The following FAM193A variants were observed in gnomAD, a reference collection of about 807,000 sequenced individuals.
The protein encoded by FAM193A is protein FAM193A.
FAM193A carries 22 observed loss-of-function variants against 126.5 expected under a neutral mutation model. That is an observed-to-expected ratio of 0.17 (90% CI 0.12 to 0.25). FAM193A has a LOEUF of 0.25. Ranked by LOEUF, FAM193A falls within the 10% of genes least tolerant of loss-of-function variation. The pLI is 1.00. For synonymous variants in FAM193A, 761 were observed against 646.8 expected (o/e 1.18, Z -2.68); for missense variants, 1,675 against 1,672.8 (o/e 1.00, Z -0.02).
intron 1 of FAM193A, among the ~76,000 whole-genome samples, chr4:2,550,771 T>TTTTATTTA (rs71178475): frequency 2.7e-4 from 38 of 140,164 alleles, no homozygotes; most frequent in East Asian, 4.2e-4. Flanking sequence ...CAATTTATAT[T>TTTTATTTA]TTTATTTATT....
chr4:2,701,863 G>A (rs1382003040), intron 19 of FAM193A, among the ~76,000 whole-genome samples: 1 of 150,632 alleles, frequency 6.6e-6, no homozygotes, highest in Non-Finnish European at 1.5e-5. Flanking sequence ...CACAACCTCC[G>A]CTTCCCGGGT....
chr4:2,725,587 T>A (rs1052952656), intron 20 of FAM193A, among the ~76,000 whole-genome samples: 1 of 151,504 alleles, frequency 6.6e-6, no homozygotes, highest in African/African-American at 2.4e-5. Flanking sequence ...AGATAGAGTG[T>A]GGCCAAAGTA....
chr4:2,578,006 A>G (rs1020046088), intron 1 of FAM193A, among the ~76,000 whole-genome samples: 3 of 152,196 alleles, frequency 2.0e-5, no homozygotes, highest in African/African-American at 2.4e-5. Context: ...TGGGAATATA[A>G]TGACTATCCC....
At chr4:2,626,727 C>G in intron 4 of FAM193A, 150 bp downstream of exon 4, 1 of 569,978 alleles carries the variant, frequency 1.8e-6, no homozygotes, top group Non-Finnish European at 3.2e-6. Flanking sequence ...AGCAGATGAA[C>G]TGGCAAAAGT....
chr4:2,546,560 A>G (rs557211743), intron 1 of FAM193A, among the ~76,000 whole-genome samples: 1 of 152,198 alleles, frequency 6.6e-6, no homozygotes, highest in South Asian at 2.1e-4. Context: ...TTCACTCAGC[A>G]TAATGACTTT....
chr4:2,703,701 C>T (rs951718489), intron 19 of FAM193A, among the ~76,000 whole-genome samples: 6 of 151,628 alleles, frequency 4.0e-5, no homozygotes, highest in East Asian at 1.9e-4. Flanking sequence ...TGGTGGCTCA[C>T]GCCTGTAATC....
At chr4:2,657,672 T>C (rs894355940) in intron 7 of FAM193A, 131 bp from the exon 8 acceptor site, 1 of 621,930 alleles carries the variant, frequency 1.6e-6, no homozygotes, top group African/African-American at 1.8e-5. Context: ...ATTGTATCTT[T>C]ATTCTGTTTG....
upstream of FAM193A, among the ~76,000 whole-genome samples, chr4:2,536,182 G>C (rs1386143164): frequency 6.6e-6 from 1 of 151,114 alleles, no homozygotes; most frequent in Non-Finnish European, 1.5e-5. Flanking sequence ...GGGGCGGGCG[G>C]GCAGCGGACA....
chr4:2,661,177 C>T (rs1056446167), intron 10 of FAM193A, among the ~76,000 whole-genome samples: 1 of 152,152 alleles, frequency 6.6e-6, no homozygotes, highest in African/African-American at 2.4e-5. Context: ...TGCCCATCAC[C>T]AGTTACGGGG....
At position 2,574,894 on chromosome 4, in the gene FAM193A, A is replaced by C. The variant is rs555781190; in HGVS notation, c.256-21190A>C. On this transcript the variant is annotated intron_variant, in intron 1 of 20. Coordinates refer to ENST00000637812, the MANE Select transcript of FAM193A (RefSeq NM_001366318.2). ...AAGCATTGAAAAGCTGAATGAAATC[A>C]AGAAAAAGTTCTGGAGAATAGAAGC... 2.4e-4 allele frequency among the ~76,000 whole-genome samples: 36 copies of C among 152,340 alleles called. 1 individual carries two copies. The South Asian group carries it at 4.4e-3, about 18-fold the overall frequency.
chr4:2,664,372 T>C (rs2109125263), intron 12 of FAM193A, among the ~76,000 whole-genome samples: 1 of 152,216 alleles, frequency 6.6e-6, no homozygotes, highest in South Asian at 2.1e-4. Context: ...TTATTGAAAA[T>C]TTATTGAAAA....
At chr4:2,654,378 ATTTTTTTTTT>A (rs372926172) in intron 7 of FAM193A, 2 of 114,588 alleles carry the variant, frequency 1.7e-5, no homozygotes, top group South Asian at 2.9e-4. Flanking sequence ...TGCCTGGCTA[ATTTTTTTTTT>A]TTTTTTTTTT....
chr4:2,731,719 C>T (rs1012934160), intron 20 of FAM193A, 56 bp from the exon 21 acceptor site: 5 of 1,371,564 alleles, frequency 3.6e-6, no homozygotes, highest in Non-Finnish European at 4.2e-6. Context: ...TTGCCAAGCA[C>T]CAGCTTGGTT....
rs778916818 is a variant in FAM193A at position 2,700,350 on chromosome 4, T to A, written c.4178T>A (p.Val1393Asp). ...GAGCAGAAAAGAGAGGAGAGAAAAG[T>A]CAACAGTAATAACAATAACAAAAAG... ...ITEQKREERK[V>D]NSNNNNKKQL... Residue 1393 changes from valine (V) to aspartate (D), a missense_variant, in exon 19 of 21, where the codon GTC (valine) becomes GAC (aspartate). By Grantham distance (152) the Val-to-Asp change is radical. Transcript: ENST00000637812. 1.9e-6 allele frequency: 3 copies of A among 1,613,650 alleles called. No homozygotes were observed. The African/African-American group carries it at 4.0e-5, about 22-fold the overall frequency.
chr4:2,649,013 T>C (rs1283523453), intron 7 of FAM193A, among the ~76,000 whole-genome samples: 1 of 152,198 alleles, frequency 6.6e-6, no homozygotes, highest in African/African-American at 2.4e-5. Context: ...GAGATAATTA[T>C]GTTAGGTGAT....
At chr4:2,671,998 G>A in intron 12 of FAM193A, 123 bp from the exon 13 acceptor site, 1 of 986,194 alleles carries the variant, frequency 1.0e-6, no homozygotes, top group Non-Finnish European at 1.5e-6. Flanking sequence ...TCAACTCAGG[G>A]TGTCAGGAAA....
intron 1 of FAM193A, among the ~76,000 whole-genome samples, chr4:2,551,582 CT>C (rs1211147746): frequency 1.3e-5 from 2 of 152,088 alleles, no homozygotes; most frequent in Admixed American, 6.6e-5. Context: ...TGCAGTATTG[CT>C]TTATTATCCT....
intron 13 of FAM193A, among the ~76,000 whole-genome samples, chr4:2,677,950 T>C (rs926149472): frequency 1.3e-5 from 2 of 152,106 alleles, no homozygotes; most frequent in African/African-American, 4.8e-5. Context: ...TGTGTTTTCA[T>C]TTATTTATGT....
At chr4:2,628,174 G>A (rs898622958) in intron 4 of FAM193A, among the ~76,000 whole-genome samples, 6 of 149,290 alleles carry the variant, frequency 4.0e-5, no homozygotes, top group Non-Finnish European at 7.4e-5. Flanking sequence ...GTGAGCCACC[G>A]CGCCCCGCCG....
Sources: gnomAD v4.1 joint callset for allele counts (sites outside exome capture counted in the v4.1 genomes callset) on GRCh38, gnomAD v4.1.1 for gene constraint, MANE v1.5 for transcripts, NCBI Gene and HGNC (gene_info 2026-07-23, HGNC 2026-07-21) for gene names.